Variants in NEK1 observed in about 807,000 individuals in gnomAD.
The protein encoded by NEK1 is NIMA related kinase 1, also known as serine/threonine-protein kinase Nek1.
In NEK1, 137 loss-of-function variants were observed where a neutral mutation model predicts 182.1. The ratio of observed to expected loss-of-function variants is 0.75; its 90% confidence interval spans 0.65 to 0.87. The LOEUF (loss-of-function observed/expected upper bound fraction) is 0.87, where lower values mean the gene tolerates loss of function less well. NEK1 is among the 40% of genes least tolerant of loss of function. The pLI is 0.00. For synonymous variants in NEK1, 513 were observed against 492.2 expected (o/e 1.04, Z -0.56); for missense variants, 1,391 against 1,494.4 (o/e 0.93, Z 1.14).
chr4:169,540,914 G>C (rs886816826), intron 18 of NEK1, among the ~76,000 whole-genome samples: 2 of 151,802 alleles, frequency 1.3e-5, no homozygotes, highest in Non-Finnish European at 2.9e-5. Flanking sequence ...GGAAAAGGGA[G>C]TAAGTTATTT....
chr4:169,510,288 C>A (rs1753969360), intron 19 of NEK1, among the ~76,000 whole-genome samples: 1 of 152,170 alleles, frequency 6.6e-6, no homozygotes, highest in African/African-American at 2.4e-5. Context: ...ATCTGGGCAA[C>A]TCCACTCTTA....
intron 18 of NEK1, among the ~76,000 whole-genome samples, chr4:169,542,858 TTTAAG>T (rs1200191286): frequency 9.2e-5 from 14 of 152,030 alleles, no homozygotes; most frequent in South Asian, 4.2e-4. Context: ...TTCTTGTAAA[TTTAAG>T]TTATTTGTAG....
At chr4:169,406,906 AATAT>A (rs995754807) in intron 31 of NEK1, among the ~76,000 whole-genome samples, 159 bp from the exon 32 acceptor site, 4 of 150,724 alleles carry the variant, frequency 2.7e-5, no homozygotes, top group African/African-American at 9.7e-5. Context: ...ACATATAAAA[AATAT>A]ATATATATAT....
At chr4:169,587,461 G>A in intron 9 of NEK1, 98 bp downstream of exon 9, 1 of 672,766 alleles carries the variant, frequency 1.5e-6, no homozygotes, top group Non-Finnish European at 2.4e-6. Flanking sequence ...TTTCTAGGAT[G>A]AGGGTTACCT....
chr4:169,397,087 G>A (rs945166496), intron 35 of NEK1, among the ~76,000 whole-genome samples: 8 of 152,116 alleles, frequency 5.3e-5, no homozygotes, highest in Non-Finnish European at 1.2e-4. Flanking sequence ...AGTCAGGCAT[G>A]GTAGCTCACG....
At chr4:169,570,493 CGG>C (rs1764594980) in intron 12 of NEK1, among the ~76,000 whole-genome samples, 1 of 150,104 alleles carries the variant, frequency 6.7e-6, no homozygotes, top group Non-Finnish European at 1.5e-5. Context: ...CCGCCCCGTC[CGG>C]AAGGGAGGTG....
At position 169,400,289 on chromosome 4, in the gene NEK1, A is replaced by G. The variant is rs768808117; in HGVS notation, c.3783T>C (p.Asn1261=). Residue 1261 remains asparagine, a synonymous_variant, in exon 35 of 36, where the codon AAT becomes AAC. Transcript: ENST00000507142. Reference sequence around the variant, plus strand: ...TCTTGGCATAAAGATGCTGATGTTCATTTCCCAAAATATTTTGAACTATTT... The same window carrying G: ...TCTTGGCATAAAGATGCTGATGTTCGTTTCCCAAAATATTTTGAACTATTT... ...CSKIVQNILG[N]EHQHLYAKIL... is the part of the protein sequence containing the mutation. 1.9e-6 allele frequency: 3 copies of G among 1,561,006 alleles called. No homozygotes were observed.
At chr4:169,552,373 A>G (rs1761556334) in intron 18 of NEK1, among the ~76,000 whole-genome samples, 1 of 152,016 alleles carries the variant, frequency 6.6e-6, no homozygotes, top group South Asian at 2.1e-4. Context: ...CAAAAAAAAA[A>G]AAGCATTTGA....
intron 23 of NEK1, among the ~76,000 whole-genome samples, chr4:169,487,539 G>A (rs1287770165): frequency 4.6e-5 from 7 of 152,108 alleles, no homozygotes; most frequent in East Asian, 3.8e-4. Flanking sequence ...TATATGTACC[G>A]TGTTTTCTTT....
At chr4:169,596,432 A>C (rs1156393781) in intron 5 of NEK1, among the ~76,000 whole-genome samples, 1 of 152,204 alleles carries the variant, frequency 6.6e-6, no homozygotes, top group Non-Finnish European at 1.5e-5. Context: ...CTATCAAAAA[A>C]ACTCATCCAA....
intron 26 of NEK1, among the ~76,000 whole-genome samples, chr4:169,475,032 AAAAAAC>A (rs1000605965): frequency 1.1e-4 from 16 of 152,268 alleles, no homozygotes; most frequent in Admixed American, 6.5e-4. Flanking sequence ...TGAGAGAGGG[AAAAAAC>A]AAAAACAAAA....
At chr4:169,445,122 A>G (rs1170995619) in intron 27 of NEK1, among the ~76,000 whole-genome samples, 1 of 152,226 alleles carries the variant, frequency 6.6e-6, no homozygotes, top group East Asian at 1.9e-4. Context: ...GTTTATAGCA[A>G]TAAACACCCA....
chr4:169,573,232 A>G (rs1765152410), intron 12 of NEK1, among the ~76,000 whole-genome samples: 1 of 152,250 alleles, frequency 6.6e-6, no homozygotes, highest in African/African-American at 2.4e-5. Flanking sequence ...ACTGACTAGC[A>G]GAAGTAATTG....
intron 31 of NEK1, among the ~76,000 whole-genome samples, chr4:169,418,466 C>T (rs1009371706): frequency 2.0e-5 from 3 of 151,988 alleles, no homozygotes; most frequent in Admixed American, 1.3e-4. Context: ...GAAGAAGATA[C>T]AGAGATGATG....
At chr4:169,575,351 A>G (rs1440617953) in intron 12 of NEK1, among the ~76,000 whole-genome samples, 2 of 152,280 alleles carry the variant, frequency 1.3e-5, no homozygotes, top group East Asian at 1.9e-4. Flanking sequence ...AAGCTTTGTC[A>G]GTAAAACTGA....
chr4:169,574,869 G>A (rs746159353), intron 12 of NEK1, among the ~76,000 whole-genome samples: 2 of 152,086 alleles, frequency 1.3e-5, no homozygotes, highest in African/African-American at 4.8e-5. Context: ...GGACAAACCA[G>A]GTTTTCAAGC....
At chr4:169,407,169 C>T (rs1003998340) in intron 31 of NEK1, among the ~76,000 whole-genome samples, 31 of 152,114 alleles carry the variant, frequency 2.0e-4, no homozygotes, top group African/African-American at 4.8e-5. Context: ...TTCTCACTCA[C>T]GACCCATTTG....
At chr4:169,471,559 C>T (rs1006850201) in intron 26 of NEK1, among the ~76,000 whole-genome samples, 3 of 152,126 alleles carry the variant, frequency 2.0e-5, no homozygotes, top group Non-Finnish European at 4.4e-5. Flanking sequence ...AGGTGTCTGT[C>T]GTCCCCTGCT....
chr4:169,423,001 C>T (rs974660473), intron 31 of NEK1, among the ~76,000 whole-genome samples: 2 of 152,182 alleles, frequency 1.3e-5, no homozygotes, highest in East Asian at 3.9e-4. Context: ...ATATTAGATA[C>T]ATGAGGAAAT....
Sources: gnomAD v4.1 joint callset for allele counts (sites outside exome capture counted in the v4.1 genomes callset) on GRCh38, gnomAD v4.1.1 for gene constraint, MANE v1.5 for transcripts, NCBI Gene and HGNC (gene_info 2026-07-23, HGNC 2026-07-21) for gene names.